Variants in EXOC4 observed in about 807,000 individuals in gnomAD.
EXOC4 encodes the protein SEC8-like 1.
EXOC4 carries 71 observed loss-of-function variants against 107.2 expected under a neutral mutation model. The observed-to-expected ratio is 0.66, with a 90% CI of 0.55 to 0.81. The LOEUF (loss-of-function observed/expected upper bound fraction) is 0.81, where lower values mean the gene tolerates loss of function less well. Ranked by LOEUF, EXOC4 falls within the 30% of genes least tolerant of loss-of-function variation. The pLI is 0.00. For synonymous variants in EXOC4, 456 were observed against 441.2 expected (o/e 1.03, Z -0.42); for missense variants, 1,108 against 1,189.6 (o/e 0.93, Z 1.01).
At chr7:133,983,016 A>G (rs764425816) in intron 14 of EXOC4, among the ~76,000 whole-genome samples, 4 of 152,220 alleles carry the variant, frequency 2.6e-5, no homozygotes, top group Non-Finnish European at 5.9e-5. Flanking sequence ...TAATTGGCTC[A>G]TGTTTCTGCA....
chr7:133,872,146 CAAAT>C (rs1219064804), intron 11 of EXOC4, among the ~76,000 whole-genome samples: 3 of 151,478 alleles, frequency 2.0e-5, no homozygotes, highest in African/African-American at 7.3e-5. Context: ...GGAAGGGAGA[CAAAT>C]AAGAAGAAAA....
At chr7:134,072,250 A>G in the EXOC4 span, among the ~76,000 whole-genome samples, 1 of 152,158 alleles carries the variant, frequency 6.6e-6, no homozygotes, top group Non-Finnish European at 1.5e-5. Context: ...TCTTAGGTTC[A>G]TTGTCTGGAA....
intron 10 of EXOC4, among the ~76,000 whole-genome samples, chr7:133,646,259 G>A (rs1159082999): frequency 6.6e-6 from 1 of 152,060 alleles, no homozygotes. Context: ...AAATGTTAGA[G>A]AAATTTTGTC....
chr7:134,054,024 C>A (rs1269666384), intron 17 of EXOC4, among the ~76,000 whole-genome samples: 20 of 152,262 alleles, frequency 1.3e-4, no homozygotes. Context: ...TGGCTCACTG[C>A]AACCTCCACC....
chr7:133,533,655 T>C (rs1800221163), intron 9 of EXOC4, among the ~76,000 whole-genome samples: 1 of 152,156 alleles, frequency 6.6e-6, no homozygotes, highest in South Asian at 2.1e-4. Context: ...AGGTCTTCTG[T>C]GTTACCTTTA....
At chr7:133,378,577 T>C (rs1426221215) in intron 7 of EXOC4, among the ~76,000 whole-genome samples, 1 of 152,098 alleles carries the variant, frequency 6.6e-6, no homozygotes, top group Non-Finnish European at 1.5e-5. Context: ...GGGAGTAGGG[T>C]AAATGATACT....
intron 7 of EXOC4, among the ~76,000 whole-genome samples, chr7:133,407,301 A>G (rs1797243805): frequency 6.6e-6 from 1 of 152,024 alleles, no homozygotes. Flanking sequence ...CCATCCTCTT[A>G]CTTTGCTTCT....
intron 11 of EXOC4, among the ~76,000 whole-genome samples, chr7:133,885,571 A>G (rs980872081): frequency 6.6e-6 from 1 of 152,228 alleles, no homozygotes; most frequent in Non-Finnish European, 1.5e-5. Context: ...GAGATAGCCA[A>G]TTGAACCAGT....
chr7:133,821,780 A>G (rs775535434), intron 11 of EXOC4, among the ~76,000 whole-genome samples: 2 of 152,192 alleles, frequency 1.3e-5, no homozygotes, highest in African/African-American at 4.8e-5. Context: ...AAGTGCAGAT[A>G]TGTGTTACAG....
chr7:133,929,691 G>T (rs116072735), intron 13 of EXOC4, among the ~76,000 whole-genome samples: 1 of 152,068 alleles, frequency 6.6e-6, no homozygotes, highest in African/African-American at 2.4e-5. Context: ...CATAGTACCC[G>T]ATGGGTAGTA....
At chr7:133,792,059 C>A (rs1419729324) in intron 10 of EXOC4, among the ~76,000 whole-genome samples, 3 of 151,948 alleles carry the variant, frequency 2.0e-5, no homozygotes, top group Admixed American at 1.3e-4. Context: ...AGCTGTGGAC[C>A]ATGGACAAAC....
At chr7:133,693,233 G>T (rs1423522350) in intron 10 of EXOC4, among the ~76,000 whole-genome samples, 1 of 152,148 alleles carries the variant, frequency 6.6e-6, no homozygotes, top group African/African-American at 2.4e-5. Context: ...ATAGCCCCTG[G>T]CAAACCACTG....
intron 10 of EXOC4, among the ~76,000 whole-genome samples, chr7:133,792,427 C>T (rs1308659322): frequency 4.6e-5 from 7 of 151,674 alleles, no homozygotes; most frequent in Admixed American, 3.3e-4. Context: ...GTGGCACGCA[C>T]CTGTAGACCC....
intron 7 of EXOC4, among the ~76,000 whole-genome samples, chr7:133,442,871 GT>G (rs1798135066): frequency 6.6e-6 from 1 of 152,180 alleles, no homozygotes; most frequent in South Asian, 2.1e-4. Flanking sequence ...AGATGAATCT[GT>G]TTTTAAATAC....
chr7:133,783,528 T>A (rs1312595839), intron 10 of EXOC4, among the ~76,000 whole-genome samples: 2 of 152,234 alleles, frequency 1.3e-5, no homozygotes, highest in Non-Finnish European at 2.9e-5. Context: ...AGGGCCAGAA[T>A]GTTCATATCC....
At chr7:134,098,106 T>A in the EXOC4 span, among the ~76,000 whole-genome samples, 1 of 152,202 alleles carries the variant, frequency 6.6e-6, no homozygotes, top group African/African-American at 2.4e-5. Flanking sequence ...GCACCTGATG[T>A]TCTTTTCAAC....
intron 9 of EXOC4, among the ~76,000 whole-genome samples, chr7:133,536,855 G>T (rs1016711343): frequency 1.8e-4 from 28 of 151,944 alleles, no homozygotes; most frequent in Non-Finnish European, 2.5e-4. Context: ...AGTAGATGGG[G>T]CAGGCAGCAG....
chr7:133,548,576 C>T (rs926501347), intron 9 of EXOC4, among the ~76,000 whole-genome samples: 1 of 152,206 alleles, frequency 6.6e-6, no homozygotes, highest in African/African-American at 2.4e-5. Flanking sequence ...GAATAACTTG[C>T]TGTAGCTTCT....
chr7:133,860,578 C>T (rs960171948), intron 11 of EXOC4, among the ~76,000 whole-genome samples: 8 of 152,174 alleles, frequency 5.3e-5, no homozygotes, highest in Non-Finnish European at 7.3e-5. Context: ...ATTTTCATAT[C>T]TACTAGTTTT....
Sources: allele counts gnomAD v4.1 joint callset (sites outside exome capture counted in the v4.1 genomes callset), GRCh38; gene constraint gnomAD v4.1.1; transcripts MANE v1.5; gene names NCBI Gene and HGNC (gene_info 2026-07-23, HGNC 2026-07-21).